Variants in PDGFC observed in about 807,000 individuals in gnomAD.
PDGFC encodes platelet derived growth factor C.
Under a neutral mutation model 35.5 loss-of-function variants are expected in PDGFC, and 12 were observed. The ratio of observed to expected loss-of-function variants is 0.34; its 90% confidence interval spans 0.22 to 0.55. PDGFC has a LOEUF of 0.55. Among genes scored for constraint, PDGFC ranks in the 20% least tolerant of loss-of-function variants. PDGFC has a pLI of 0.91. For synonymous variants in PDGFC, 159 were observed against 148.8 expected, an observed-to-expected ratio of 1.07 and a Z score of -0.50; for missense variants, 322 against 412.4, an observed-to-expected ratio of 0.78 and a Z score of 1.90.
chr4:156,775,169 T>G, intron 3 of PDGFC, among the ~76,000 whole-genome samples: 1 of 152,162 alleles, frequency 6.6e-6, no homozygotes, highest in East Asian at 1.9e-4. Flanking sequence ...CTATTATAGA[T>G]ATAAACATTG....
chr4:156,892,843 T>C (rs1252863253), intron 1 of PDGFC, among the ~76,000 whole-genome samples: 2 of 152,188 alleles, frequency 1.3e-5, no homozygotes, highest in South Asian at 2.1e-4. Context: ...CTGTTATACT[T>C]CTTACGTCAA....
chr4:156,925,526 A>G (rs962955381), intron 1 of PDGFC, among the ~76,000 whole-genome samples: 1 of 152,130 alleles, frequency 6.6e-6, no homozygotes, highest in Non-Finnish European at 1.5e-5. Context: ...GCAGAAGAAT[A>G]GGGGAAAAGC....
intron 4 of PDGFC, 103 bp downstream of exon 4, chr4:156,772,583 T>A: frequency 1.5e-6 from 1 of 668,034 alleles, no homozygotes; most frequent in Non-Finnish European, 2.6e-6. Flanking sequence ...AATATATCAC[T>A]GATGAATTTT....
At chr4:156,799,036 A>G (rs530149760) in intron 3 of PDGFC, among the ~76,000 whole-genome samples, 2 of 152,252 alleles carry the variant, frequency 1.3e-5, no homozygotes, top group South Asian at 4.1e-4. Flanking sequence ...TGCTACCTCA[A>G]TGTCTTTCCT....
chr4:156,777,822 C>G (rs919749386), intron 3 of PDGFC, among the ~76,000 whole-genome samples: 1 of 152,086 alleles, frequency 6.6e-6, no homozygotes, highest in Non-Finnish European at 1.5e-5. Flanking sequence ...TAAGGGCTCA[C>G]ACAGGTGCAG....
intron 1 of PDGFC, among the ~76,000 whole-genome samples, chr4:156,933,962 C>T (rs954118228): frequency 5.9e-5 from 9 of 152,182 alleles, no homozygotes; most frequent in African/African-American, 1.9e-4. Context: ...ATAAATTACC[C>T]AGTCTCAGGT....
At chr4:156,877,554 A>G (rs1730144081) in intron 1 of PDGFC, among the ~76,000 whole-genome samples, 1 of 152,188 alleles carries the variant, frequency 6.6e-6, no homozygotes, top group Non-Finnish European at 1.5e-5. Context: ...AGTATATTAA[A>G]TCAAGTACCA....
chr4:156,835,710 C>T (rs1579044753), intron 2 of PDGFC, among the ~76,000 whole-genome samples: 3 of 152,290 alleles, frequency 2.0e-5, no homozygotes, highest in South Asian at 4.1e-4. Context: ...GGGCCATATT[C>T]CTAGTAGTAA....
At position 156,971,394 on chromosome 4, in the gene PDGFC, C is replaced by T. The variant is rs1252236764; in HGVS notation, c.-491G>A. The T allele has an allele frequency of 1.5e-5, 6 of 394,618 alleles. No homozygotes were observed. In the East Asian group the frequency reaches 2.2e-4, roughly 14 times the overall value. The allele number at this position is 394,618 out of a possible 1,614,324, so 24.4% of individuals were successfully genotyped here. A position where few individuals can be genotyped will look rare whatever the true frequency, so the allele number is the denominator to read the frequency against. On this transcript the variant is annotated 5_prime_UTR_variant, in exon 1 of 6. Coordinates refer to ENST00000502773, the MANE Select transcript of PDGFC (RefSeq NM_016205.3). ...CTGCCAATAGATGCGGCTCTCCGGG[C>T]GCCCCTCTCCCCCGCCCCACCCCCC...
intron 5 of PDGFC, among the ~76,000 whole-genome samples, chr4:156,766,590 C>T (rs1730536015): frequency 6.6e-6 from 1 of 152,118 alleles, no homozygotes; most frequent in African/African-American, 2.4e-5. Flanking sequence ...CTTCTGGCTT[C>T]ATTTAAAAAT....
chr4:156,782,788 C>A (rs1309958994), intron 3 of PDGFC, among the ~76,000 whole-genome samples: 1 of 152,120 alleles, frequency 6.6e-6, no homozygotes, highest in East Asian at 1.9e-4. Context: ...GAAAAGGCTT[C>A]TTCTATTGAT....
chr4:156,868,456 A>G (rs568521006), intron 1 of PDGFC, among the ~76,000 whole-genome samples: 1 of 152,306 alleles, frequency 6.6e-6, no homozygotes, highest in South Asian at 2.1e-4. Flanking sequence ...AACAACAAAG[A>G]AAGGCTCAGT....
intron 1 of PDGFC, among the ~76,000 whole-genome samples, chr4:156,878,796 A>G (rs1354547309): frequency 6.6e-6 from 1 of 152,154 alleles, no homozygotes; most frequent in African/African-American, 2.4e-5. Context: ...GATTCTTCAT[A>G]TAGTCTATAA....
intron 2 of PDGFC, among the ~76,000 whole-genome samples, chr4:156,826,174 A>ATATTTTTTT (rs1553967848): frequency 4.6e-5 from 2 of 43,790 alleles, no homozygotes; most frequent in African/African-American, 8.1e-5. Context: ...TTTGAGTTGG[A>ATATTTTTTT]TTTTTTTTTT....
intron 1 of PDGFC, among the ~76,000 whole-genome samples, chr4:156,903,897 T>C (rs1730852937): frequency 6.6e-6 from 1 of 152,140 alleles, no homozygotes; most frequent in African/African-American, 2.4e-5. Context: ...GACCCAAAGA[T>C]CATGATAGAG....
chr4:156,849,801 A>C (rs1273828891), intron 2 of PDGFC, among the ~76,000 whole-genome samples: 1 of 152,042 alleles, frequency 6.6e-6, no homozygotes, highest in Non-Finnish European at 1.5e-5. Flanking sequence ...TGTGGATAGA[A>C]CTTTTTCTTT....
intron 3 of PDGFC, among the ~76,000 whole-genome samples, chr4:156,780,292 A>G (rs954256785): frequency 1.3e-5 from 2 of 152,122 alleles, no homozygotes; most frequent in African/African-American, 2.4e-5. Flanking sequence ...AATACTCAAG[A>G]TAACGCCTAA....
At chr4:156,831,429 G>A (rs957484266) in intron 2 of PDGFC, among the ~76,000 whole-genome samples, 1 of 148,590 alleles carries the variant, frequency 6.7e-6, no homozygotes, top group African/African-American at 2.5e-5. Context: ...ACAACATAAT[G>A]AGACCCTGTC....
chr4:156,812,087 C>T (rs1002336605), intron 2 of PDGFC, among the ~76,000 whole-genome samples: 18 of 151,882 alleles, frequency 1.2e-4, no homozygotes, highest in South Asian at 2.1e-4. Flanking sequence ...TTTTAAATAA[C>T]GTCAACTATA....
Sources: gnomAD v4.1 joint callset for allele counts (sites outside exome capture counted in the v4.1 genomes callset) on GRCh38, gnomAD v4.1.1 for gene constraint, MANE v1.5 for transcripts, NCBI Gene and HGNC (gene_info 2026-07-23, HGNC 2026-07-21) for gene names.